Variants in CDYL2 observed in about 807,000 individuals in gnomAD.
CDYL2 encodes the protein chromodomain Y like 2.
CDYL2 carries 23 observed loss-of-function variants against 49.4 expected under a neutral mutation model. The ratio of observed to expected loss-of-function variants is 0.47; its 90% CI spans 0.34 to 0.66. The LOEUF is 0.66. CDYL2 is among the 30% of genes least tolerant of loss of function. The pLI, the probability that CDYL2 is intolerant of heterozygous loss-of-function variation, is 0.01. For synonymous variants in CDYL2, 360 were observed against 268.8 expected (o/e 1.34, Z -3.32); for missense variants, 678 against 656.4 (o/e 1.03, Z -0.36).
intron 1 of CDYL2, among the ~76,000 whole-genome samples, chr16:80,800,727 A>G (rs558581225): frequency 6.6e-6 from 1 of 152,248 alleles, no homozygotes; most frequent in Non-Finnish European, 1.5e-5. Flanking sequence ...AGGTCACACA[A>G]GGGTACTTTA....
chr16:80,660,639 T>A (rs140862863), intron 2 of CDYL2, among the ~76,000 whole-genome samples: 59 of 152,318 alleles, frequency 3.9e-4, no homozygotes, highest in African/African-American at 1.3e-3. Context: ...AATAATTACA[T>A]TATTCTGTGA....
chr16:80,792,720 G>T (rs1028281647), intron 1 of CDYL2, among the ~76,000 whole-genome samples: 5 of 152,154 alleles, frequency 3.3e-5, no homozygotes, highest in Non-Finnish European at 7.4e-5. Context: ...CCACCCAGGA[G>T]TATCTCCTTT....
At chr16:80,749,212 T>TA (rs35226558) in intron 1 of CDYL2, among the ~76,000 whole-genome samples, 2 of 152,192 alleles carry the variant, frequency 1.3e-5, no homozygotes, top group Non-Finnish European at 2.9e-5. Context: ...ATTTATGATT[T>TA]AAAAAACAAC....
intron 1 of CDYL2, among the ~76,000 whole-genome samples, chr16:80,756,591 T>C (rs1325166941): frequency 6.6e-6 from 1 of 152,050 alleles, no homozygotes; most frequent in Non-Finnish European, 1.5e-5. Context: ...AAGAATGATC[T>C]CTGAAGCATT....
At chr16:80,750,913 G>T (rs1165086752) in intron 1 of CDYL2, among the ~76,000 whole-genome samples, 1 of 152,184 alleles carries the variant, frequency 6.6e-6, no homozygotes, top group South Asian at 2.1e-4. Context: ...CCAGCTACTG[G>T]GGAGGCTGAG....
chr16:80,688,152 G>A lies in CDYL2; in HGVS notation c.25-3023C>T, dbSNP rs555184209. Among the ~76,000 whole-genome samples the A allele has an allele frequency of 7.2e-5, 11 of 152,328 alleles. 1 individual carries two copies. The highest frequency in any genetic ancestry group is 2.4e-4 in the African/African-American group (10 of 41,572). ...TTTTGTTCCCTCCAAATTACTGGAG[G>A]TTGCAATCACAGAGTCACAGGTAGC... is the stretch of plus-strand genomic sequence containing the variant. On this transcript the variant is annotated intron_variant, in intron 1 of 6. Coordinates refer to ENST00000570137, the MANE Select transcript of CDYL2 (RefSeq NM_152342.4).
At chr16:80,653,805 C>T (rs576689447) in intron 2 of CDYL2, among the ~76,000 whole-genome samples, 4 of 152,328 alleles carry the variant, frequency 2.6e-5, no homozygotes, top group African/African-American at 9.6e-5. Flanking sequence ...TGCAGGCAAG[C>T]TTGAGAACTT....
chr16:80,720,957 C>T (rs1904978168), intron 1 of CDYL2, among the ~76,000 whole-genome samples: 1 of 152,020 alleles, frequency 6.6e-6, no homozygotes, highest in Non-Finnish European at 1.5e-5. Flanking sequence ...AGAAAGAACC[C>T]ATATCATTTC....
At chr16:80,606,075 C>T (rs557105764) in intron 6 of CDYL2, among the ~76,000 whole-genome samples, 1 of 152,334 alleles carries the variant, frequency 6.6e-6, no homozygotes, top group South Asian at 2.1e-4. Flanking sequence ...CCTGAAATGC[C>T]CTCAAACAGA....
intron 2 of CDYL2, chr16:80,639,831 G>A (rs1908003315): frequency 2.4e-6 from 1 of 422,210 alleles, no homozygotes; most frequent in African/African-American, 2.1e-5. Flanking sequence ...GCAATTGTGA[G>A]GCATTGAACT....
At chr16:80,633,870 G>A (rs11640763) in intron 2 of CDYL2, among the ~76,000 whole-genome samples, 19,933 of 152,116 alleles carry the variant, frequency 0.13, 1,655 homozygotes, top group Middle Eastern at 0.2. Flanking sequence ...TGGCCTGAAA[G>A]TGCCCTCCTG....
At chr16:80,611,336 C>G (rs1476986937) in intron 5 of CDYL2, among the ~76,000 whole-genome samples, 1 of 152,116 alleles carries the variant, frequency 6.6e-6, no homozygotes, top group Non-Finnish European at 1.5e-5. Context: ...GAGGGGACTC[C>G]CTGAGAACCT....
intron 1 of CDYL2, among the ~76,000 whole-genome samples, chr16:80,740,441 T>G (rs1361021797): frequency 1.3e-5 from 2 of 152,220 alleles, no homozygotes; most frequent in Non-Finnish European, 2.9e-5. Context: ...ATCCAAGTTC[T>G]GTAGTACACA....
intron 1 of CDYL2, among the ~76,000 whole-genome samples, chr16:80,766,631 A>G (rs1183022609): frequency 6.6e-6 from 1 of 152,208 alleles, no homozygotes; most frequent in African/African-American, 2.4e-5. Flanking sequence ...TGGAGAAACT[A>G]AGATTCCAAG....
intron 1 of CDYL2, among the ~76,000 whole-genome samples, chr16:80,737,341 C>G (rs866773325): frequency 2.0e-5 from 3 of 152,184 alleles, no homozygotes; most frequent in Non-Finnish European, 4.4e-5. Context: ...CAGGTAAGGT[C>G]TCACCGAGTC....
intron 2 of CDYL2, among the ~76,000 whole-genome samples, chr16:80,682,453 G>A (rs1038407591): frequency 1.3e-5 from 2 of 152,226 alleles, no homozygotes; most frequent in Non-Finnish European, 2.9e-5. Flanking sequence ...CAGCAAAGCC[G>A]AAGGGTGAAG....
rs536934329 is a variant in CDYL2 at position 80,765,927 on chromosome 16, T to C, written c.24+38223A>G. ...TGAAGTACTGATACAAGCGACAACA[T>C]GGATGAACCTTGAAAACATTATGTT... On this transcript the variant is annotated intron_variant, in intron 1 of 6. Coordinates refer to ENST00000570137, the MANE Select transcript of CDYL2 (RefSeq NM_152342.4). Among the ~76,000 whole-genome samples, 10 of 141,458 alleles carry C rather than the reference T, an allele frequency of 7.1e-5. No individual in the cohort carries two copies. The East Asian group carries it at 2.1e-3, about 29-fold the overall frequency. The allele number at this position is 141,458 out of a possible 152,430, so 92.8% of individuals were successfully genotyped here.
At chr16:80,751,435 G>T (rs372765498) in intron 1 of CDYL2, among the ~76,000 whole-genome samples, 2 of 152,140 alleles carry the variant, frequency 1.3e-5, no homozygotes, top group Non-Finnish European at 2.9e-5. Context: ...GAAAAGCCTG[G>T]CAGAAACATA....
At chr16:80,676,548 G>C (rs1909751258) in intron 2 of CDYL2, among the ~76,000 whole-genome samples, 1 of 152,206 alleles carries the variant, frequency 6.6e-6, no homozygotes, top group Admixed American at 6.5e-5. Context: ...ACCCAGAGAA[G>C]CAGTGGTGAT....
Sources: allele counts gnomAD v4.1 joint callset (sites outside exome capture counted in the v4.1 genomes callset), GRCh38; gene constraint gnomAD v4.1.1; transcripts MANE v1.5; gene names NCBI Gene and HGNC (gene_info 2026-07-23, HGNC 2026-07-21).